Variants in DCP1A observed in about 807,000 individuals in gnomAD.
DCP1A encodes decapping mRNA 1A.
A neutral mutation model predicts 58.0 loss-of-function variants in DCP1A; 20 were observed. The ratio of observed to expected loss-of-function variants is 0.34; its 90% CI spans 0.24 to 0.50. The LOEUF is 0.50. Ranked by LOEUF, DCP1A falls within the 20% of genes least tolerant of loss-of-function variation. The probability of loss-of-function intolerance (pLI) is 0.98; values close to 1 mark genes in which losing one functional copy is unlikely to be tolerated. For synonymous variants in DCP1A, 285 were observed against 275.1 expected, an observed-to-expected ratio of 1.04 and a Z score of -0.36; for missense variants, 613 against 712.2, an observed-to-expected ratio of 0.86 and a Z score of 1.59.
chr3:53,302,943 T>C (rs1204979560), intron 6 of DCP1A, among the ~76,000 whole-genome samples: 2 of 151,716 alleles, frequency 1.3e-5, no homozygotes, highest in Non-Finnish European at 2.9e-5. Flanking sequence ...ATTTTTAAAT[T>C]AAATTAAATT....
chr3:53,322,446 T>A (rs1219886347), intron 3 of DCP1A, among the ~76,000 whole-genome samples: 2 of 150,906 alleles, frequency 1.3e-5, no homozygotes, highest in African/African-American at 4.9e-5. Flanking sequence ...AGTGAAACTC[T>A]GTCTCAGAAA....
chr3:53,294,113 A>C (rs1185435150), intron 6 of DCP1A, among the ~76,000 whole-genome samples: 4 of 152,206 alleles, frequency 2.6e-5, no homozygotes, highest in Non-Finnish European at 5.9e-5. Flanking sequence ...AAGAGAGAAG[A>C]AGCGGGCAGA....
chr3:53,345,777 T>A (rs2089284186), intron 1 of DCP1A, among the ~76,000 whole-genome samples: 1 of 152,144 alleles, frequency 6.6e-6, no homozygotes, highest in Non-Finnish European at 1.5e-5. Context: ...TAAATATCAT[T>A]ATTTTCCTTC....
chr3:53,340,381 C>T (rs1489267261), intron 3 of DCP1A, among the ~76,000 whole-genome samples: 4 of 152,076 alleles, frequency 2.6e-5, no homozygotes, highest in African/African-American at 9.7e-5. Flanking sequence ...AGGTAATTAC[C>T]TGGACAAATA....
At chr3:53,288,686 T>G (rs1332673199) in intron 8 of DCP1A, among the ~76,000 whole-genome samples, 1 of 152,160 alleles carries the variant, frequency 6.6e-6, no homozygotes, top group Non-Finnish European at 1.5e-5. Context: ...AAATGTTACA[T>G]ATTGATTGGG....
intron 4 of DCP1A, among the ~76,000 whole-genome samples, chr3:53,316,755 T>C (rs1559695089): frequency 6.6e-6 from 1 of 152,002 alleles, no homozygotes; most frequent in Admixed American, 6.6e-5. Flanking sequence ...TCAAATCACT[T>C]TTAATAACAC....
At chr3:53,309,312 A>G (rs1411620871) in intron 5 of DCP1A, among the ~76,000 whole-genome samples, 4 of 151,644 alleles carry the variant, frequency 2.6e-5, no homozygotes, top group African/African-American at 9.7e-5. Flanking sequence ...TGGAGGTTGC[A>G]GTGAGTCGAG....
intron 6 of DCP1A, among the ~76,000 whole-genome samples, chr3:53,296,125 C>T (rs1037888050): frequency 2.0e-5 from 3 of 152,102 alleles, no homozygotes; most frequent in Non-Finnish European, 4.4e-5. Context: ...CTTCTTCTGA[C>T]CTCAGGTGAT....
At chr3:53,291,556 A>T (rs995056626) in intron 7 of DCP1A, among the ~76,000 whole-genome samples, 2 of 151,960 alleles carry the variant, frequency 1.3e-5, no homozygotes. Flanking sequence ...AGAACATGTG[A>T]TATCTGTCCT....
intron 3 of DCP1A, among the ~76,000 whole-genome samples, chr3:53,322,103 C>T (rs1553690033): frequency 6.6e-6 from 1 of 152,084 alleles, no homozygotes; most frequent in Non-Finnish European, 1.5e-5. Context: ...ATTTGTTTCA[C>T]CCTGAATTAA....
chr3:53,315,628 T>G (rs1707779947), intron 4 of DCP1A, among the ~76,000 whole-genome samples: 1 of 151,506 alleles, frequency 6.6e-6, no homozygotes, highest in Non-Finnish European at 1.5e-5. Context: ...TTTTCAACTC[T>G]GCCACCACTG....
intron 3 of DCP1A, among the ~76,000 whole-genome samples, chr3:53,339,402 C>T (rs2089167573): frequency 6.6e-6 from 1 of 152,120 alleles, no homozygotes; most frequent in African/African-American, 2.4e-5. Flanking sequence ...CAAGAATGTT[C>T]TAGTTAACAT....
At chr3:53,327,278 C>T (rs1238045705) in intron 3 of DCP1A, among the ~76,000 whole-genome samples, 6 of 152,128 alleles carry the variant, frequency 3.9e-5, no homozygotes, top group African/African-American at 9.7e-5. Context: ...AAATACCTCA[C>T]GGACTATAAG....
intron 3 of DCP1A, among the ~76,000 whole-genome samples, chr3:53,323,639 G>A (rs1708033082): frequency 6.6e-6 from 1 of 152,090 alleles, no homozygotes; most frequent in African/African-American, 2.4e-5. Flanking sequence ...AGGCTGAGGT[G>A]GGTGGATCAC....
chr3:53,317,421 C>G (rs1307359121), intron 4 of DCP1A, among the ~76,000 whole-genome samples: 1 of 152,082 alleles, frequency 6.6e-6, no homozygotes. Flanking sequence ...CGCCTTGGCC[C>G]ACCAAAGTGC....
intron 4 of DCP1A, among the ~76,000 whole-genome samples, chr3:53,315,745 TTTTTTTTTTTTG>T (rs1258076650): frequency 2.0e-4 from 6 of 29,728 alleles, no homozygotes; most frequent in Non-Finnish European, 3.5e-4. Flanking sequence ...CAGTTTGTTG[TTTTTTTTTTTTG>T]TTTTTTTTTT....
intron 3 of DCP1A, 143 bp from the exon 4 acceptor site, chr3:53,319,616 G>A: frequency 1.9e-6 from 1 of 537,104 alleles, no homozygotes; most frequent in Non-Finnish European, 3.3e-6. Context: ...AAGAAAACAA[G>A]TATCTCCTCC....
intron 3 of DCP1A, among the ~76,000 whole-genome samples, chr3:53,336,843 C>CAGAT (rs1291407144): frequency 7.7e-6 from 1 of 130,544 alleles, no homozygotes; most frequent in East Asian, 2.3e-4. Flanking sequence ...ACCCAAAGCC[C>CAGAT]AGATTTATTT....
intron 5 of DCP1A, among the ~76,000 whole-genome samples, chr3:53,305,639 A>G (rs578209879): frequency 6.6e-6 from 1 of 152,274 alleles, no homozygotes; most frequent in Admixed American, 6.5e-5. Flanking sequence ...CGTGAGCCAC[A>G]TCGTGCCTGG....
Sources: allele counts gnomAD v4.1 joint callset (sites outside exome capture counted in the v4.1 genomes callset), GRCh38; gene constraint gnomAD v4.1.1; transcripts MANE v1.5; gene names NCBI Gene and HGNC (gene_info 2026-07-23, HGNC 2026-07-21).